Variants in RSRC1 observed in about 807,000 individuals in gnomAD.
RSRC1 encodes arginine and serine rich coiled-coil 1.
RSRC1 carries 39 observed loss-of-function variants against 49.1 expected under a neutral mutation model. The ratio of observed to expected loss-of-function variants is 0.79; its 90% confidence interval spans 0.61 to 1.04. RSRC1 has a LOEUF of 1.04. RSRC1 is among the 50% of genes least tolerant of loss of function. RSRC1 has a pLI of 0.00. For missense variants in RSRC1, 388 were observed against 402.4 expected (o/e 0.96, Z 0.31); for synonymous variants, 143 against 130.8 (o/e 1.09, Z -0.63).
At chr3:158,451,735 G>A (rs1227557407) in intron 6 of RSRC1, among the ~76,000 whole-genome samples, 1 of 151,898 alleles carries the variant, frequency 6.6e-6, no homozygotes, top group Non-Finnish European at 1.5e-5. Context: ...TAGAGACATG[G>A]GAATTATTGA....
chr3:158,271,670 T>C (rs1407541577), intron 4 of RSRC1, among the ~76,000 whole-genome samples: 1 of 152,126 alleles, frequency 6.6e-6, no homozygotes, highest in Non-Finnish European at 1.5e-5. Context: ...CATCATGAAA[T>C]AGTAAAAACT....
rs564195061 is a variant in RSRC1 at position 158,169,175 on chromosome 3, A to G, written c.321-33897A>G. Among the ~76,000 whole-genome samples the G allele has an allele frequency of 2.0e-5, 3 of 152,272 alleles. No homozygotes were observed. In the East Asian group the frequency reaches 5.8e-4, roughly 29 times the overall value. On this transcript the variant is annotated intron_variant, in intron 3 of 9. Coordinates refer to ENST00000611884, the MANE Select transcript of RSRC1 (RefSeq NM_001271838.2). ...CTTTCAGTAAGAGACCACCAACCAC[A>G]AAGTATGTACAGTGAGAGTTTTTGT...
intron 6 of RSRC1, among the ~76,000 whole-genome samples, chr3:158,425,173 G>C (rs1578461387): frequency 6.6e-6 from 1 of 151,896 alleles, no homozygotes; most frequent in South Asian, 2.1e-4. Context: ...TGTGATGTTA[G>C]GGTGTCAATT....
At chr3:158,190,349 A>C (rs751423348) in intron 3 of RSRC1, among the ~76,000 whole-genome samples, 1 of 151,688 alleles carries the variant, frequency 6.6e-6, no homozygotes, top group Non-Finnish European at 1.5e-5. Context: ...TGGAACCTCA[A>C]CTAGTTGGAT....
chr3:158,359,929 C>T (rs191810905), intron 6 of RSRC1, among the ~76,000 whole-genome samples: 2 of 152,296 alleles, frequency 1.3e-5, no homozygotes, highest in East Asian at 3.9e-4. Context: ...GCTCTTTCCA[C>T]AGCCAGAGTA....
intron 1 of RSRC1, among the ~76,000 whole-genome samples, chr3:158,116,872 C>T (rs2108154362): frequency 6.6e-6 from 1 of 151,892 alleles, no homozygotes. Flanking sequence ...TGCTATCAGT[C>T]TGGGATGTCT....
chr3:158,470,321 A>AACACACACACACACACAC (rs375305594), intron 7 of RSRC1, among the ~76,000 whole-genome samples: 7 of 136,848 alleles, frequency 5.1e-5, no homozygotes, highest in Non-Finnish European at 4.7e-5. Flanking sequence ...TGCTCTTAGA[A>AACACACACACACACACAC]ACACACACAC....
intron 5 of RSRC1, among the ~76,000 whole-genome samples, chr3:158,319,278 AGAG>A (rs1728627814): frequency 6.6e-6 from 1 of 152,124 alleles, no homozygotes; most frequent in South Asian, 2.1e-4. Flanking sequence ...GGATAGTTTA[AGAG>A]TGGCACTTCC....
At chr3:158,277,820 CT>C (rs893504557) in intron 4 of RSRC1, among the ~76,000 whole-genome samples, 2 of 152,124 alleles carry the variant, frequency 1.3e-5, no homozygotes, top group Non-Finnish European at 2.9e-5. Context: ...GCATCTCACT[CT>C]GTGGCCAGGC....
intron 6 of RSRC1, among the ~76,000 whole-genome samples, chr3:158,420,322 C>T (rs1734972538): frequency 6.6e-6 from 1 of 151,914 alleles, no homozygotes; most frequent in Non-Finnish European, 1.5e-5. Context: ...TAGTAAAGCT[C>T]ATGAAAAGAT....
chr3:158,534,972 A>G (rs1020816707), intron 7 of RSRC1, among the ~76,000 whole-genome samples: 1 of 151,442 alleles, frequency 6.6e-6, no homozygotes, highest in Non-Finnish European at 1.5e-5. Flanking sequence ...AGTAAGAACT[A>G]GGGACATTCT....
chr3:158,228,730 A>G (rs1300291058), intron 4 of RSRC1, among the ~76,000 whole-genome samples: 2 of 151,720 alleles, frequency 1.3e-5, no homozygotes, highest in Non-Finnish European at 2.9e-5. Context: ...TGAAGTAGAT[A>G]GTGTTCTAGG....
intron 6 of RSRC1, among the ~76,000 whole-genome samples, chr3:158,422,014 A>T (rs1388196466): frequency 5.9e-5 from 9 of 151,860 alleles, no homozygotes; most frequent in African/African-American, 2.2e-4. Flanking sequence ...TTTCATCAGA[A>T]ATTGATTTTA....
chr3:158,453,378 G>A lies in RSRC1; in HGVS notation c.584-7557G>A, dbSNP rs186602259. Among the ~76,000 whole-genome samples, 87 of 133,270 alleles carry A rather than the reference G, an allele frequency of 6.5e-4. 2 individuals carry two copies. Among genetic ancestry groups the A allele is most frequent in the Middle Eastern group, 7.9e-3 (2 of 254 alleles). The allele number at this position is 133,270 out of a possible 152,430, so 87.4% of individuals were successfully genotyped here. Reference sequence around the variant, plus strand: ...ATAGGCCAAAAGTCTGTGTAGCCCGGAACCTTTTTTTTTTTTTTTCGAGTC... The same window carrying A: ...ATAGGCCAAAAGTCTGTGTAGCCCGAAACCTTTTTTTTTTTTTTTCGAGTC... On this transcript the variant is annotated intron_variant, in intron 6 of 9. Transcript: ENST00000611884.
intron 5 of RSRC1, among the ~76,000 whole-genome samples, chr3:158,306,915 C>T (rs536783518): frequency 7.3e-5 from 11 of 151,588 alleles, no homozygotes; most frequent in Non-Finnish European, 1.5e-4. Flanking sequence ...AAATGTTGTG[C>T]GTTTATTGAC....
intron 7 of RSRC1, among the ~76,000 whole-genome samples, chr3:158,517,501 G>A (rs1186979566): frequency 6.6e-6 from 1 of 151,594 alleles, no homozygotes; most frequent in Admixed American, 6.6e-5. Flanking sequence ...AGGGGGTGAT[G>A]TTTGTTTTGG....
intron 7 of RSRC1, among the ~76,000 whole-genome samples, chr3:158,467,305 C>T (rs187867660): frequency 5.5e-4 from 84 of 152,150 alleles, no homozygotes; most frequent in African/African-American, 2.0e-3. Flanking sequence ...AAGGGGGAGA[C>T]AGAAAATAAA....
chr3:158,516,459 G>T (rs1361474458), intron 7 of RSRC1, among the ~76,000 whole-genome samples: 1 of 152,178 alleles, frequency 6.6e-6, no homozygotes, highest in Non-Finnish European at 1.5e-5. Context: ...CCTGTTCTCA[G>T]ATCTCCAGCT....
At chr3:158,148,853 G>A (rs1215786723) in intron 3 of RSRC1, among the ~76,000 whole-genome samples, 2 of 150,906 alleles carry the variant, frequency 1.3e-5, no homozygotes, top group African/African-American at 2.4e-5. Flanking sequence ...GCGCGATCTC[G>A]GCTCACTGCA....
Sources: allele counts gnomAD v4.1 joint callset (sites outside exome capture counted in the v4.1 genomes callset), GRCh38; gene constraint gnomAD v4.1.1; transcripts MANE v1.5; gene names NCBI Gene and HGNC (gene_info 2026-07-23, HGNC 2026-07-21).